Variants in NAA11 observed in about 807,000 individuals in gnomAD.
NAA11 encodes the protein N-alpha-acetyltransferase 11.
A neutral mutation model predicts 16.1 loss-of-function variants in NAA11; 15 were observed. The ratio of observed to expected loss-of-function variants is 0.93; its 90% CI spans 0.62 to 1.44. NAA11 has a LOEUF of 1.44. NAA11 is among the 40% of genes most tolerant of loss of function. The probability of loss-of-function intolerance (pLI) is 0.00; values close to 1 mark genes in which losing one functional copy is unlikely to be tolerated. For missense variants in NAA11, 298 were observed against 291.3 expected, an observed-to-expected ratio of 1.02 and a Z score of -0.17; for synonymous variants, 122 against 112.4, an observed-to-expected ratio of 1.09 and a Z score of -0.54.
chr4:79,173,657 A>C, the NAA11 span, among the ~76,000 whole-genome samples: 1 of 152,110 alleles, frequency 6.6e-6, no homozygotes, highest in African/African-American at 2.4e-5. Context: ...TAGAACCACT[A>C]AGAAGCAGAA....
At chr4:79,321,849 T>A (rs779831982) in intron 1 of NAA11, among the ~76,000 whole-genome samples, 1 of 152,216 alleles carries the variant, frequency 6.6e-6, no homozygotes, top group Non-Finnish European at 1.5e-5. Context: ...GATAACTATA[T>A]CAATGAAATT....
At chr4:79,292,182 A>T (rs570370312) in intron 2 of NAA11, among the ~76,000 whole-genome samples, 1 of 152,222 alleles carries the variant, frequency 6.6e-6, no homozygotes, top group Admixed American at 6.5e-5. Context: ...ACCACCCACT[A>T]CTGTTTCTCT....
intron 2 of NAA11, among the ~76,000 whole-genome samples, chr4:79,236,677 G>C (rs374800055): frequency 6.6e-6 from 1 of 152,072 alleles, no homozygotes; most frequent in Non-Finnish European, 1.5e-5. Context: ...CTGAATTAAA[G>C]TCTTCAAAGT....
At chr4:79,228,083 T>C (rs548712179) in intron 2 of NAA11, 1 of 152,146 alleles carries the variant, frequency 6.6e-6, no homozygotes, top group South Asian at 2.1e-4. Flanking sequence ...TGTGTGCCTA[T>C]TGCTCAATGC....
At chr4:79,204,800 A>C in the NAA11 span, among the ~76,000 whole-genome samples, 6 of 151,996 alleles carry the variant, frequency 3.9e-5, no homozygotes, top group Admixed American at 1.3e-4. Flanking sequence ...TTTATAAGAA[A>C]GAACATGCAG....
chr4:79,274,236 T>A (rs542529313), intron 2 of NAA11, among the ~76,000 whole-genome samples: 1 of 152,142 alleles, frequency 6.6e-6, no homozygotes, highest in African/African-American at 2.4e-5. Flanking sequence ...CAAGTGCCAA[T>A]TGGAAATAAC....
the NAA11 span, among the ~76,000 whole-genome samples, chr4:79,201,339 T>C: frequency 6.6e-5 from 10 of 151,728 alleles, no homozygotes; most frequent in African/African-American, 2.4e-4. Context: ...TCTACAGAAA[T>C]ACCACATTGA....
chr4:79,194,234 A>G, the NAA11 span, among the ~76,000 whole-genome samples: 5 of 152,234 alleles, frequency 3.3e-5, no homozygotes, highest in African/African-American at 1.2e-4. Context: ...TAGGAATAGT[A>G]TTGAATCTAT....
the NAA11 span, among the ~76,000 whole-genome samples, chr4:79,189,292 T>G: frequency 6.6e-6 from 1 of 151,718 alleles, no homozygotes; most frequent in Non-Finnish European, 1.5e-5. Flanking sequence ...AGCTAACGGA[T>G]CCAAAGGGTC....
At chr4:79,183,296 T>G in the NAA11 span, among the ~76,000 whole-genome samples, 1 of 152,198 alleles carries the variant, frequency 6.6e-6, no homozygotes, top group Non-Finnish European at 1.5e-5. Flanking sequence ...GCATACAATT[T>G]CAAGGATCTA....
intron 1 of NAA11, among the ~76,000 whole-genome samples, chr4:79,305,813 T>C (rs970925883): frequency 6.6e-6 from 1 of 152,182 alleles, no homozygotes; most frequent in Non-Finnish European, 1.5e-5. Context: ...TGGTATAACA[T>C]AATAATCCTC....
At chr4:79,188,186 A>G in the NAA11 span, among the ~76,000 whole-genome samples, 1 of 152,094 alleles carries the variant, frequency 6.6e-6, no homozygotes, top group African/African-American at 2.4e-5. Flanking sequence ...TTTATTTTGA[A>G]TACTACAAAG....
intron 1 of NAA11, among the ~76,000 whole-genome samples, chr4:79,295,764 G>A (rs1336785932): frequency 6.6e-6 from 1 of 152,134 alleles, no homozygotes; most frequent in Non-Finnish European, 1.5e-5. Flanking sequence ...ACTAGTCAAG[G>A]ATAAAGTATC....
At chr4:79,176,581 G>C in the NAA11 span, among the ~76,000 whole-genome samples, 1 of 152,108 alleles carries the variant, frequency 6.6e-6, no homozygotes, top group Admixed American at 6.6e-5. Flanking sequence ...AGATTAGGGA[G>C]GGTAATGCTT....
the NAA11 span, among the ~76,000 whole-genome samples, chr4:79,215,160 A>T: frequency 6.6e-6 from 1 of 152,174 alleles, no homozygotes; most frequent in East Asian, 1.9e-4. Flanking sequence ...CTCTTTTCTA[A>T]ATATTGTTCT....
At chr4:79,256,655 T>TATATATATAAATATATATATATAA (rs1722118583) in intron 2 of NAA11, among the ~76,000 whole-genome samples, 5 of 144,722 alleles carry the variant, frequency 3.5e-5, no homozygotes, top group African/African-American at 1.3e-4. Flanking sequence ...AATATAAATA[T>TATATATATAAATATATATATATAA]ATATATATAT....
At chr4:79,157,861 G>A in the NAA11 span, among the ~76,000 whole-genome samples, 2 of 151,246 alleles carry the variant, frequency 1.3e-5, no homozygotes, top group Admixed American at 6.6e-5. Context: ...CATCCAAATC[G>A]GTAAAGAAGA....
intron 2 of NAA11, among the ~76,000 whole-genome samples, chr4:79,265,480 T>A: frequency 6.6e-6 from 1 of 152,194 alleles, no homozygotes; most frequent in East Asian, 1.9e-4. Context: ...ATCTGGCCCC[T>A]GCTGCCTATC....
chr4:79,307,445 A>G (rs1723623632), intron 1 of NAA11, among the ~76,000 whole-genome samples: 1 of 151,692 alleles, frequency 6.6e-6, no homozygotes, highest in Admixed American at 6.6e-5. Context: ...TTGGCTGAGG[A>G]TTTTTTTTTA....
Sources: gnomAD v4.1 joint callset for allele counts (sites outside exome capture counted in the v4.1 genomes callset) on GRCh38, gnomAD v4.1.1 for gene constraint, MANE v1.5 for transcripts, NCBI Gene and HGNC (gene_info 2026-07-23, HGNC 2026-07-21) for gene names.